The following USP15 variants were observed in gnomAD, a reference collection of about 807,000 sequenced individuals.
The protein encoded by USP15 is ubiquitin carboxyl-terminal hydrolase 15.
Under a neutral mutation model 127.1 loss-of-function variants are expected in USP15, and 18 were observed. That is an observed-to-expected ratio of 0.14 (90% confidence interval 0.10 to 0.21). USP15 has a LOEUF of 0.21. Among genes scored for constraint, USP15 ranks in the 10% least tolerant of loss-of-function variants. The pLI is 1.00. For missense variants in USP15, 805 were observed against 1,159.9 expected (o/e 0.69, Z 4.44); for synonymous variants, 364 against 393.7 (o/e 0.92, Z 0.89).
At chr12:62,269,258 CA>C (rs201901238) in intron 1 of USP15, among the ~76,000 whole-genome samples, 1 of 150,594 alleles carries the variant, frequency 6.6e-6, no homozygotes, top group South Asian at 2.1e-4. Flanking sequence ...TGCTCCTAGG[CA>C]AAAAAAACCT....
At chr12:62,338,360 TA>T (rs1444367004) in intron 6 of USP15, among the ~76,000 whole-genome samples, 1 of 152,222 alleles carries the variant, frequency 6.6e-6, no homozygotes, top group African/African-American at 2.4e-5. Context: ...ATGTTCCTTG[TA>T]GATTCTGGAT....
At chr12:62,274,821 A>G (rs1371127689) in intron 1 of USP15, among the ~76,000 whole-genome samples, 1 of 152,182 alleles carries the variant, frequency 6.6e-6, no homozygotes, top group Non-Finnish European at 1.5e-5. Flanking sequence ...AAGATTTTAA[A>G]CAGAAGTGAG....
In USP15 at chr12:62,276,530, A is replaced by T. The variant is rs75819064; in HGVS notation, c.89+16027A>T. ...TATAAAGGGTAATAATCTGTCCTTTATGTGCTTTTCCTTTTATATGAGATA... is the reference window on the plus strand; with the variant it reads ...TATAAAGGGTAATAATCTGTCCTTTTTGTGCTTTTCCTTTTATATGAGATA... On this transcript the variant is annotated intron_variant, in intron 1 of 21. Transcript: ENST00000280377. Among the ~76,000 whole-genome samples the T allele has an allele frequency of 1.9e-3, 287 of 152,190 alleles. 7 individuals are homozygous for T. The East Asian group carries it at 0.051, about 27-fold the overall frequency.
At chr12:62,337,393 CAAG>C (rs1379220894) in intron 6 of USP15, among the ~76,000 whole-genome samples, 1 of 152,084 alleles carries the variant, frequency 6.6e-6, no homozygotes, top group Non-Finnish European at 1.5e-5. Flanking sequence ...TGGTGGAAGG[CAAG>C]GAGGAGCAAG....
chr12:62,273,822 C>A (rs905570129), intron 1 of USP15, among the ~76,000 whole-genome samples: 2 of 151,942 alleles, frequency 1.3e-5, no homozygotes, highest in Non-Finnish European at 2.9e-5. Context: ...AAAGCTCTAA[C>A]CCTAAAGATA....
intron 3 of USP15, among the ~76,000 whole-genome samples, chr12:62,308,916 A>G (rs1297876247): frequency 6.6e-6 from 1 of 152,138 alleles, no homozygotes; most frequent in Non-Finnish European, 1.5e-5. Context: ...AAGAATGAAA[A>G]TTAGACATAT....
chr12:62,296,535 T>C (rs1316502038), intron 2 of USP15, among the ~76,000 whole-genome samples: 1 of 152,168 alleles, frequency 6.6e-6, no homozygotes, highest in Non-Finnish European at 1.5e-5. Flanking sequence ...TAATCCTAAA[T>C]ACATACCTAC....
At chr12:62,301,740 G>GT (rs899569139) in intron 2 of USP15, among the ~76,000 whole-genome samples, 4 of 152,036 alleles carry the variant, frequency 2.6e-5, no homozygotes, top group African/African-American at 4.8e-5. Context: ...AATCCCTCAG[G>GT]TTTTTTCTCG....
chr12:62,388,756 C>T (rs2067233353), intron 11 of USP15, among the ~76,000 whole-genome samples: 1 of 152,252 alleles, frequency 6.6e-6, no homozygotes, highest in East Asian at 1.9e-4. Flanking sequence ...ATAGAAATCT[C>T]TGTGCAAGAC....
chr12:62,262,242 GA>G (rs951160450), intron 1 of USP15, among the ~76,000 whole-genome samples: 7 of 147,746 alleles, frequency 4.7e-5, no homozygotes, highest in South Asian at 2.1e-4. Context: ...CTCAAAAAAA[GA>G]AAAAAAAAAG....
intron 21 of USP15, among the ~76,000 whole-genome samples, chr12:62,401,520 G>T (rs2067687118): frequency 6.6e-6 from 1 of 151,852 alleles, no homozygotes; most frequent in Non-Finnish European, 1.5e-5. Flanking sequence ...TTTTCAACAT[G>T]GAGTTTCTAA....
At chr12:62,269,008 C>T (rs2063272835) in intron 1 of USP15, among the ~76,000 whole-genome samples, 1 of 125,718 alleles carries the variant, frequency 8.0e-6, no homozygotes, top group East Asian at 2.8e-4. Flanking sequence ...ATAGTATGTG[C>T]GATTTTTGCA....
chr12:62,314,179 G>A (rs933976199), intron 3 of USP15: 2 of 234,208 alleles, frequency 8.5e-6, no homozygotes, highest in African/African-American at 4.7e-5. Context: ...AACAAAGTAA[G>A]TCACTGTAGG....
At chr12:62,295,129 A>C (rs1047006025) in intron 2 of USP15, among the ~76,000 whole-genome samples, 2 of 151,982 alleles carry the variant, frequency 1.3e-5, no homozygotes, top group Non-Finnish European at 2.9e-5. Context: ...AGAGAGAGAG[A>C]CCTAGACCCC....
intron 6 of USP15, chr12:62,336,385 C>A: frequency 2.0e-6 from 2 of 985,340 alleles, no homozygotes; most frequent in Non-Finnish European, 1.2e-6. Flanking sequence ...TTTCAAGTAC[C>A]ATCCAAGAGC....
At chr12:62,324,981 C>A (rs2065086605) in intron 5 of USP15, among the ~76,000 whole-genome samples, 1 of 151,728 alleles carries the variant, frequency 6.6e-6, no homozygotes, top group African/African-American at 2.4e-5. Context: ...ATTTATAATG[C>A]CTTGGATTTA....
At chr12:62,379,201 C>CAAAAA (rs59155021) in intron 8 of USP15, among the ~76,000 whole-genome samples, 4 of 134,714 alleles carry the variant, frequency 3.0e-5, no homozygotes, top group Non-Finnish European at 4.7e-5. Flanking sequence ...TTAGTAAGGC[C>CAAAAA]AAAAAAAAAA....
In USP15 at chr12:62,355,218, A is replaced by C. The variant is rs933959677; in HGVS notation, c.771-113A>C. 9.1e-6 allele frequency: 9 copies of C among 988,568 alleles called. No homozygotes were observed. The African/African-American group carries it at 1.5e-4, about 16-fold the overall frequency. 61.2% of individuals were successfully genotyped at this position (988,568 alleles called of 1,614,324 possible). On this transcript the variant is annotated intron_variant, in intron 7 of 21. Coordinates refer to ENST00000280377, the MANE Select transcript of USP15 (RefSeq NM_001252078.2). ...AAAAAGTATCTGAGTTGAGTACTTT[A>C]TAAAAGAAATGTAATGATCAACCAC...
chr12:62,381,437 A>G lies in USP15; in HGVS notation c.916-53A>G, dbSNP rs1206642454. 1.0e-5 allele frequency: 15 copies of G among 1,468,278 alleles called. No homozygotes were observed. In the East Asian group the frequency reaches 3.4e-4, roughly 34 times the overall value. 91.0% of individuals were successfully genotyped at this position (1,468,278 alleles called of 1,614,324 possible). On this transcript the variant is annotated intron_variant, in intron 8 of 21. Coordinates refer to ENST00000280377, the MANE Select transcript of USP15 (RefSeq NM_001252078.2). ...TCTCTCTTCATATTAATGTGTTTTA[A>G]GAAAAATTCATTATGATTACTTTTA...
Sources: allele counts gnomAD v4.1 joint callset (sites outside exome capture counted in the v4.1 genomes callset), GRCh38; gene constraint gnomAD v4.1.1; transcripts MANE v1.5; gene names NCBI Gene and HGNC (gene_info 2026-07-23, HGNC 2026-07-21).